Variants in CDC14A observed in about 807,000 individuals in gnomAD.
The protein encoded by CDC14A is cell division cycle 14A.
Under a neutral mutation model 74.4 loss-of-function variants are expected in CDC14A, and 53 were observed. That is an observed-to-expected ratio of 0.71 (90% CI 0.57 to 0.89). The LOEUF (loss-of-function observed/expected upper bound fraction) is 0.89. CDC14A is among the 40% of genes least tolerant of loss of function. The pLI, the probability that CDC14A is intolerant of heterozygous loss-of-function variation, is 0.00. For synonymous variants in CDC14A, 247 were observed against 258.4 expected (o/e 0.96, Z 0.43); for missense variants, 646 against 713.7 (o/e 0.91, Z 1.08).
chr1:100,354,650 TAAG>T (rs1301959342), intron 2 of CDC14A, among the ~76,000 whole-genome samples: 1 of 152,240 alleles, frequency 6.6e-6, no homozygotes, highest in Non-Finnish European at 1.5e-5. Flanking sequence ...TAATAAGAAA[TAAG>T]AAGGCTGAAT....
At chr1:100,364,832 G>C (rs1653345006) in intron 2 of CDC14A, among the ~76,000 whole-genome samples, 1 of 152,208 alleles carries the variant, frequency 6.6e-6, no homozygotes, top group Non-Finnish European at 1.5e-5. Flanking sequence ...TCTCTAACGA[G>C]GGATGTTAGA....
intron 7 of CDC14A, among the ~76,000 whole-genome samples, chr1:100,451,301 C>CA (rs1374236568): frequency 6.6e-6 from 1 of 152,294 alleles, no homozygotes; most frequent in East Asian, 1.9e-4. Flanking sequence ...AATGGGCCTC[C>CA]ACATGTTTTC....
chr1:100,439,210 C>T (rs1046262532), intron 5 of CDC14A, among the ~76,000 whole-genome samples: 25 of 152,190 alleles, frequency 1.6e-4, no homozygotes, highest in Admixed American at 5.9e-4. Flanking sequence ...TAGAAGCTCT[C>T]GTGGCTCCCA....
intron 8 of CDC14A, among the ~76,000 whole-genome samples, chr1:100,457,320 C>T (rs1666805265): frequency 6.6e-6 from 1 of 152,120 alleles, no homozygotes; most frequent in Admixed American, 6.5e-5. Flanking sequence ...TAATATCTTA[C>T]AGCCAGGTTT....
chr1:100,353,018 C>T lies in CDC14A; in HGVS notation c.49+15C>T, dbSNP rs1208605494. ...GTTCATGAAAGGTGAGGAGCAGCCG[C>T]CCCGCATCTTCCAACGCTTTCTTGC... is the stretch of plus-strand genomic sequence containing the variant. On this transcript the variant is annotated intron_variant, in intron 1 of 15. Coordinates refer to ENST00000336454, the MANE Select transcript of CDC14A (RefSeq NM_003672.4). The T allele has an allele frequency of 1.2e-6, 2 of 1,613,722 alleles. No homozygotes were observed. The highest frequency in any genetic ancestry group is 1.7e-6 in the Non-Finnish European group (2 of 1,179,750).
At chr1:100,421,685 A>C (rs189184988) in intron 4 of CDC14A, among the ~76,000 whole-genome samples, 3 of 152,258 alleles carry the variant, frequency 2.0e-5, no homozygotes, top group Non-Finnish European at 4.4e-5. Flanking sequence ...CTGAGTTTAT[A>C]TTTTCAGGCA....
chr1:100,484,542 C>A, intron 11 of CDC14A, 91 bp downstream of exon 11: 1 of 1,369,022 alleles, frequency 7.3e-7, no homozygotes, highest in Non-Finnish European at 9.5e-7. Context: ...AGTGTCTTTT[C>A]TCTGGATGCC....
chr1:100,371,581 T>G lies in CDC14A; in HGVS notation c.141-5965T>G, dbSNP rs376515806. ...CATTTTAAAAAAATGTTTAATTTTGTTAATGTGGTGTGTCACATTTATTGG... is the reference window on the plus strand; with the variant it reads ...CATTTTAAAAAAATGTTTAATTTTGGTAATGTGGTGTGTCACATTTATTGG... On this transcript the variant is annotated intron_variant, in intron 2 of 15. Coordinates refer to ENST00000336454, the MANE Select transcript of CDC14A (RefSeq NM_003672.4). Among the ~76,000 whole-genome samples, 15 of 152,370 alleles carry G rather than the reference T, an allele frequency of 9.8e-5. No individual in the cohort carries two copies. In the East Asian group the frequency reaches 2.3e-3, roughly 23 times the overall value.
intron 10 of CDC14A, among the ~76,000 whole-genome samples, chr1:100,469,333 T>C (rs1668160054): frequency 6.6e-6 from 1 of 152,200 alleles, no homozygotes; most frequent in African/African-American, 2.4e-5. Flanking sequence ...TACTTTAGCT[T>C]AAAAGAATGA....
intron 2 of CDC14A, among the ~76,000 whole-genome samples, chr1:100,371,382 A>G (rs1432812635): frequency 6.6e-6 from 1 of 152,180 alleles, no homozygotes; most frequent in African/African-American, 2.4e-5. Flanking sequence ...TTCAACTCCT[A>G]AAGGGAATGC....
At chr1:100,447,552 TACCTTGAGA>T (rs1455494229) in intron 7 of CDC14A, among the ~76,000 whole-genome samples, 1 of 152,248 alleles carries the variant, frequency 6.6e-6, no homozygotes, top group East Asian at 1.9e-4. Context: ...AAAGAATATG[TACCTTGAGA>T]ACCTTGAGAA....
chr1:100,384,285 C>T (rs1161262009), intron 3 of CDC14A, among the ~76,000 whole-genome samples: 1 of 152,142 alleles, frequency 6.6e-6, no homozygotes, highest in African/African-American at 2.4e-5. Context: ...AGGGGCAAAA[C>T]TTTGACTCTC....
chr1:100,455,136 G>C (rs1232746529), intron 7 of CDC14A, among the ~76,000 whole-genome samples: 1 of 152,000 alleles, frequency 6.6e-6, no homozygotes, highest in East Asian at 1.9e-4. Flanking sequence ...GCAGTGGCCA[G>C]GAAACAAACA....
chr1:100,465,590 T>C (rs1667723904), intron 9 of CDC14A, among the ~76,000 whole-genome samples: 1 of 152,238 alleles, frequency 6.6e-6, no homozygotes, highest in African/African-American at 2.4e-5. Context: ...AATCTTATCC[T>C]ATGTCAAATG....
chr1:100,408,003 ATT>A (rs1660173351), intron 4 of CDC14A, among the ~76,000 whole-genome samples: 1 of 152,036 alleles, frequency 6.6e-6, no homozygotes, highest in Non-Finnish European at 1.5e-5. Context: ...TGTACAGAAT[ATT>A]TAGTCACCCA....
intron 6 of CDC14A, among the ~76,000 whole-genome samples, chr1:100,441,216 A>G (rs1156786815): frequency 6.6e-6 from 1 of 152,202 alleles, no homozygotes; most frequent in Non-Finnish European, 1.5e-5. Context: ...AAGTTGTGGC[A>G]TCCTTCCTGT....
At position 100,365,096 on chromosome 1, in the gene CDC14A, C is replaced by T. The variant is rs759897342; in HGVS notation, c.140+11244C>T. On this transcript the variant is annotated intron_variant, in intron 2 of 15. Coordinates refer to ENST00000336454, the MANE Select transcript of CDC14A (RefSeq NM_003672.4). ...TGATAGTTGATATTGGGGTTCTCTC[C>T]TTCCTTTATGATCTCAACAAATGTC... Among the ~76,000 whole-genome samples, 3 of 152,220 alleles carry T rather than the reference C, an allele frequency of 2.0e-5. No homozygotes were observed. The East Asian group carries it at 5.8e-4, about 29-fold the overall frequency.
chr1:100,372,873 G>A (rs1654676854), intron 2 of CDC14A, among the ~76,000 whole-genome samples: 1 of 152,168 alleles, frequency 6.6e-6, no homozygotes, highest in African/African-American at 2.4e-5. Flanking sequence ...AAGAGAATTA[G>A]GGCCTTGCTT....
At chr1:100,477,220 C>T (rs755364510) in intron 10 of CDC14A, among the ~76,000 whole-genome samples, 17 of 152,070 alleles carry the variant, frequency 1.1e-4, no homozygotes, top group African/African-American at 9.7e-5. Context: ...ACCACATTTA[C>T]GGTAATGCTT....
Sources: gnomAD v4.1 joint callset for allele counts (sites outside exome capture counted in the v4.1 genomes callset) on GRCh38, gnomAD v4.1.1 for gene constraint, MANE v1.5 for transcripts, NCBI Gene and HGNC (gene_info 2026-07-23, HGNC 2026-07-21) for gene names.